Variants in PCDHA4 observed in about 807,000 individuals in gnomAD.
The protein encoded by PCDHA4 is protocadherin alpha-4.
Under a neutral mutation model 61.4 loss-of-function variants are expected in PCDHA4, and 49 were observed. The observed-to-expected ratio is 0.80, with a 90% CI of 0.63 to 1.01. The LOEUF (loss-of-function observed/expected upper bound fraction) is 1.01, where lower values mean the gene tolerates loss of function less well. Among genes scored for constraint, PCDHA4 ranks in the 50% least tolerant of loss-of-function variants. The pLI is 0.00. For synonymous variants in PCDHA4, 590 were observed against 550.3 expected (o/e 1.07, Z -1.01); for missense variants, 1,254 against 1,235.8 (o/e 1.01, Z -0.22).
At position 140,871,188 on chromosome 5, in the gene PCDHA4, C is replaced by G. The variant is rs782347896; in HGVS notation, c.2385+61616C>G. Reference sequence around the variant, plus strand: ...GCCCAGAGGCTGCGCTGGTGGATGTCAACGTGTACCTGATCATCGCCATCT... The same window carrying G: ...GCCCAGAGGCTGCGCTGGTGGATGTGAACGTGTACCTGATCATCGCCATCT... On this transcript the variant is annotated intron_variant, in intron 1 of 3. Transcript: ENST00000530339. 9.9e-6 allele frequency: 16 copies of G among 1,613,638 alleles called. 1 individual carries two copies. In the South Asian group the frequency reaches 1.8e-4, roughly 18 times the overall value.
At chr5:140,993,218 T>C (rs534348907) in intron 3 of PCDHA4, among the ~76,000 whole-genome samples, 1 of 152,330 alleles carries the variant, frequency 6.6e-6, no homozygotes, top group East Asian at 1.9e-4. Flanking sequence ...TTTAGCTTTT[T>C]GGTATGTTCT....
In PCDHA4 at chr5:140,981,860, A is replaced by C. The variant is rs377325751; in HGVS notation, c.2445-615A>C. On this transcript the variant is annotated intron_variant, in intron 2 of 3. Coordinates refer to ENST00000530339, the MANE Select transcript of PCDHA4 (RefSeq NM_018907.4). ...TCCCAGTTTGTATCTCACTCCCAGC[A>C]ATGTTTTATGCTGAATTAATCTCTT... Among the ~76,000 whole-genome samples the C allele has an allele frequency of 1.1e-3, 166 of 152,246 alleles. 1 individual carries two copies. The highest frequency in any genetic ancestry group is 3.9e-3 in the African/African-American group (160 of 41,532).
intron 1 of PCDHA4, chr5:140,863,701 A>G (rs782228120): frequency 3.1e-5 from 9 of 294,760 alleles, no homozygotes; most frequent in Non-Finnish European, 6.0e-5. Context: ...TGCTTTATTT[A>G]AAGTACACTG....
chr5:140,948,986 T>C (rs2094331337), intron 1 of PCDHA4, among the ~76,000 whole-genome samples: 1 of 151,752 alleles, frequency 6.6e-6, no homozygotes, highest in Non-Finnish European at 1.5e-5. Context: ...ACTGCTTTAT[T>C]TGCATTTTAC....
At chr5:140,818,146 T>C (rs1554127394) in intron 1 of PCDHA4, among the ~76,000 whole-genome samples, 1 of 152,228 alleles carries the variant, frequency 6.6e-6, no homozygotes, top group African/African-American at 2.4e-5. Flanking sequence ...TGCCTTCAAA[T>C]ACGGCTTCTA....
chr5:140,823,207 G>A, intron 1 of PCDHA4: 1 of 1,613,830 alleles, frequency 6.2e-7, no homozygotes, highest in Non-Finnish European at 8.5e-7. Flanking sequence ...CACGGTGTCT[G>A]CACGGGACGC....
chr5:140,852,875 C>A, intron 1 of PCDHA4: 1 of 937,156 alleles, frequency 1.1e-6, no homozygotes, highest in Non-Finnish European at 1.3e-6. Flanking sequence ...CATCAATAAT[C>A]ATAAAACGTA....
Position 140,816,793 on chromosome 5 carries a change from C to T in PCDHA4, c.2385+7221C>T, listed in dbSNP as rs2126675269. 4 of 147,716 alleles carry T rather than the reference C, an allele frequency of 2.7e-5. No individual in the cohort carries two copies. The East Asian group carries it at 7.9e-4, about 29-fold the overall frequency. 9.2% of individuals were successfully genotyped at this position (147,716 alleles called of 1,614,324 possible). A position where few individuals can be genotyped will look rare whatever the true frequency, so the allele number is the denominator to read the frequency against. ...ATTCCTAATTAGAGGGATCTGCCAG[C>T]TTTTTTTTTTAAGATGCTCTAATCT... On this transcript the variant is annotated intron_variant, in intron 1 of 3. Coordinates refer to ENST00000530339, the MANE Select transcript of PCDHA4 (RefSeq NM_018907.4).
chr5:140,959,163 C>T (rs246007), intron 1 of PCDHA4, among the ~76,000 whole-genome samples: 85,446 of 151,632 alleles, frequency 0.56, 24,671 homozygotes, highest in African/African-American at 0.69. Context: ...GATTGCTTGA[C>T]CCCAGGAGTT....
chr5:140,903,434 A>T (rs1372993909), intron 1 of PCDHA4, among the ~76,000 whole-genome samples: 1 of 152,226 alleles, frequency 6.6e-6, no homozygotes, highest in Non-Finnish European at 1.5e-5. Context: ...AATATGTATC[A>T]GTGGAATTCA....
chr5:140,930,338 A>T (rs2086745230), intron 1 of PCDHA4: 1 of 152,214 alleles, frequency 6.6e-6, no homozygotes, highest in African/African-American at 2.4e-5. Flanking sequence ...AATGAAAGTT[A>T]AGTGATTCAA....
chr5:140,825,611 G>C (rs1431448877), intron 1 of PCDHA4: 6 of 151,560 alleles, frequency 4.0e-5, no homozygotes, highest in African/African-American at 1.5e-4. Flanking sequence ...TACTAGAGAC[G>C]GGGTTTCACC....
chr5:140,933,413 T>A (rs2089136962), intron 1 of PCDHA4, among the ~76,000 whole-genome samples: 3 of 152,056 alleles, frequency 2.0e-5, no homozygotes, highest in Non-Finnish European at 4.4e-5. Flanking sequence ...TCTACAGATA[T>A]TCTGTGTTCA....
At chr5:140,868,967 A>C (rs2050769969) in intron 1 of PCDHA4, 2 of 1,435,752 alleles carry the variant, frequency 1.4e-6, no homozygotes, top group South Asian at 1.4e-5. Flanking sequence ...ATACAAAGGA[A>C]CTCCATCATA....
chr5:140,912,860 G>A (rs1554195574), intron 1 of PCDHA4, among the ~76,000 whole-genome samples: 1 of 152,182 alleles, frequency 6.6e-6, no homozygotes, highest in African/African-American at 2.4e-5. Flanking sequence ...CAATTGAAAT[G>A]ATATATGGTT....
chr5:140,841,843 T>A (rs1777535091), intron 1 of PCDHA4: 16 of 1,613,734 alleles, frequency 9.9e-6, no homozygotes, highest in Non-Finnish European at 1.4e-5. Context: ...GGCTTAGCTC[T>A]CATGATTACT....
chr5:140,815,194 T>C (rs1305192129), intron 1 of PCDHA4: 2 of 152,176 alleles, frequency 1.3e-5, no homozygotes, highest in African/African-American at 4.8e-5. Flanking sequence ...TTTAAAGTAA[T>C]TATTGATAGG....
In PCDHA4 at chr5:140,857,075, A is replaced by C. The variant is rs782381292; in HGVS notation, c.2385+47503A>C. On this transcript the variant is annotated intron_variant, in intron 1 of 3. Coordinates refer to ENST00000530339, the MANE Select transcript of PCDHA4 (RefSeq NM_018907.4). ...GGTCCTAGTGGAACTACTGGATGAA[A>C]ATGATAATTCACCTGAGGTGATTGT... is the stretch of plus-strand genomic sequence containing the variant. 10 of 1,597,052 alleles carry C rather than the reference A, an allele frequency of 6.3e-6. 1 individual carries two copies. The highest frequency in any genetic ancestry group is 8.6e-6 in the Non-Finnish European group (10 of 1,166,684).
intron 1 of PCDHA4, among the ~76,000 whole-genome samples, chr5:140,951,992 A>G (rs1469467629): frequency 6.6e-6 from 1 of 152,212 alleles, no homozygotes; most frequent in Non-Finnish European, 1.5e-5. Flanking sequence ...AAAACCAGCC[A>G]AAAGAAAGAA....
Sources: gnomAD v4.1 joint callset for allele counts (sites outside exome capture counted in the v4.1 genomes callset) on GRCh38, gnomAD v4.1.1 for gene constraint, MANE v1.5 for transcripts, NCBI Gene and HGNC (gene_info 2026-07-23, HGNC 2026-07-21) for gene names.